CACNA2D1: variants seen among roughly 807,000 people sequenced by gnomAD.
CACNA2D1 encodes the protein voltage-dependent calcium channel subunit alpha-2/delta-1.
CACNA2D1 carries 53 observed loss-of-function variants against 171.5 expected under a neutral mutation model. That is an observed-to-expected ratio of 0.31 (90% CI 0.25 to 0.39). The LOEUF is 0.39. CACNA2D1 is among the 10% of genes least tolerant of loss of function. CACNA2D1 has a pLI of 1.00. For synonymous variants in CACNA2D1, 442 were observed against 443.1 expected (o/e 1.00, Z 0.03); for missense variants, 903 against 1,299.8 (o/e 0.69, Z 4.69).
At chr7:82,049,609 C>T (rs1222416997) in intron 10 of CACNA2D1, among the ~76,000 whole-genome samples, 1 of 152,146 alleles carries the variant, frequency 6.6e-6, no homozygotes, top group African/African-American at 2.4e-5. Context: ...GCGATAAAAA[C>T]CCCTGCACAG....
chr7:81,989,207 G>T (rs1797280132), intron 21 of CACNA2D1, among the ~76,000 whole-genome samples: 1 of 152,178 alleles, frequency 6.6e-6, no homozygotes. Context: ...TTTCAGTGGA[G>T]AATCTGGAAG....
chr7:82,307,679 T>C (rs1270572875), intron 3 of CACNA2D1, among the ~76,000 whole-genome samples: 1 of 152,122 alleles, frequency 6.6e-6, no homozygotes, highest in Non-Finnish European at 1.5e-5. Flanking sequence ...TTTCTTCTTC[T>C]AGCCATCTTT....
chr7:82,395,449 A>T (rs1825666225), intron 1 of CACNA2D1, among the ~76,000 whole-genome samples: 1 of 152,182 alleles, frequency 6.6e-6, no homozygotes, highest in African/African-American at 2.4e-5. Context: ...AACGCTTTGT[A>T]TTATATTAGT....
intron 1 of CACNA2D1, among the ~76,000 whole-genome samples, chr7:82,385,294 A>G (rs1038126197): frequency 3.9e-5 from 6 of 152,240 alleles, no homozygotes; most frequent in African/African-American, 1.4e-4. Flanking sequence ...AACTTACTAC[A>G]GAAGGAATTA....
chr7:82,381,230 C>T (rs553542362), intron 1 of CACNA2D1, among the ~76,000 whole-genome samples: 4 of 148,668 alleles, frequency 2.7e-5, no homozygotes, highest in Non-Finnish European at 4.4e-5. Flanking sequence ...AGGAGAATGG[C>T]GTGAACCCGG....
At chr7:82,152,508 G>A (rs1584935903) in intron 4 of CACNA2D1, among the ~76,000 whole-genome samples, 1 of 151,942 alleles carries the variant, frequency 6.6e-6, no homozygotes, top group Non-Finnish European at 1.5e-5. Context: ...AAATTCAAAT[G>A]TAACTGGGAA....
At chr7:82,287,902 C>T (rs1220401078) in intron 3 of CACNA2D1, among the ~76,000 whole-genome samples, 3 of 151,400 alleles carry the variant, frequency 2.0e-5, no homozygotes, top group Admixed American at 6.6e-5. Context: ...TGCAGTGGTG[C>T]GATCTGCAAG....
intron 3 of CACNA2D1, among the ~76,000 whole-genome samples, chr7:82,272,193 G>A (rs1321167659): frequency 2.0e-5 from 3 of 152,082 alleles, no homozygotes; most frequent in Non-Finnish European, 4.4e-5. Context: ...TTTTAGAAAG[G>A]AAGAATTCTG....
intron 4 of CACNA2D1, among the ~76,000 whole-genome samples, chr7:82,137,707 T>TAAAAAAAAAAAAAAAAAAAAAAAAAAA (rs1174278503): frequency 1.4e-4 from 11 of 78,814 alleles, no homozygotes; most frequent in African/African-American, 4.8e-4. Context: ...CCGTCTCTAC[T>TAAAAAAAAAAAAAAAAAAAAAAAAAAA]AAAAAAAAAA....
intron 6 of CACNA2D1, among the ~76,000 whole-genome samples, chr7:82,099,345 CATTTT>C (rs1812336502): frequency 6.7e-6 from 1 of 149,022 alleles, no homozygotes; most frequent in African/African-American, 2.5e-5. Context: ...AAAGCCAGTA[CATTTT>C]ATTACTGTTT....
At chr7:82,388,862 T>A (rs1824743915) in intron 1 of CACNA2D1, among the ~76,000 whole-genome samples, 1 of 152,012 alleles carries the variant, frequency 6.6e-6, no homozygotes, top group African/African-American at 2.4e-5. Context: ...ACGCCTGTAA[T>A]CCCAGCACTT....
intron 10 of CACNA2D1, among the ~76,000 whole-genome samples, chr7:82,040,231 C>T (rs977887471): frequency 6.6e-5 from 10 of 151,840 alleles, no homozygotes; most frequent in African/African-American, 1.7e-4. Flanking sequence ...CATAACAGAG[C>T]GGTATCTTCA....
At chr7:82,277,480 A>G (rs1585309915) in intron 3 of CACNA2D1, among the ~76,000 whole-genome samples, 2 of 152,156 alleles carry the variant, frequency 1.3e-5, no homozygotes, top group South Asian at 4.1e-4. Flanking sequence ...GATTACAGGC[A>G]TGAGCCACTG....
intron 6 of CACNA2D1, 62 bp downstream of exon 6, chr7:82,116,982 T>A: frequency 6.3e-7 from 1 of 1,574,916 alleles, no homozygotes; most frequent in Non-Finnish European, 8.7e-7. Context: ...CCCTCAAACA[T>A]GGGAAACATA....
chr7:81,965,476 A>AT, intron 32 of CACNA2D1, 118 bp downstream of exon 32: 1 of 733,230 alleles, frequency 1.4e-6, no homozygotes, highest in East Asian at 2.5e-5. Flanking sequence ...TTTACAAATT[A>AT]TTGTATGACA....
intron 38 of CACNA2D1, among the ~76,000 whole-genome samples, chr7:81,953,699 C>G (rs934722503): frequency 6.6e-6 from 1 of 151,996 alleles, no homozygotes; most frequent in Non-Finnish European, 1.5e-5. Context: ...GAGGTATTAA[C>G]TTAAAGAAGT....
intron 4 of CACNA2D1, among the ~76,000 whole-genome samples, chr7:82,151,684 A>G (rs1366785782): frequency 6.6e-6 from 1 of 152,088 alleles, no homozygotes; most frequent in East Asian, 1.9e-4. Flanking sequence ...AGAGAAGCTG[A>G]GCCAATTACA....
chr7:81,996,728 T>C (rs925079849), intron 19 of CACNA2D1, among the ~76,000 whole-genome samples: 8 of 151,672 alleles, frequency 5.3e-5, no homozygotes, highest in African/African-American at 1.7e-4. Flanking sequence ...GGAGGAAATA[T>C]GCAATTTTGC....
intron 5 of CACNA2D1, among the ~76,000 whole-genome samples, chr7:82,130,236 A>G (rs1790791180): frequency 1.4e-5 from 2 of 137,962 alleles, no homozygotes; most frequent in African/African-American, 5.3e-5. Flanking sequence ...GGGAACTTAT[A>G]CTCTTGAGGG....
Sources: allele counts gnomAD v4.1 joint callset (sites outside exome capture counted in the v4.1 genomes callset), GRCh38; gene constraint gnomAD v4.1.1; transcripts MANE v1.5; gene names NCBI Gene and HGNC (gene_info 2026-07-23, HGNC 2026-07-21).